The following ETFBKMT variants were observed in gnomAD, a reference collection of about 807,000 sequenced individuals.
ETFBKMT encodes electron transfer flavoprotein subunit beta lysine methyltransferase.
ETFBKMT carries 13 observed loss-of-function variants against 18.3 expected under a neutral mutation model. The ratio of observed to expected loss-of-function variants is 0.71; its 90% CI spans 0.46 to 1.13. ETFBKMT has a LOEUF of 1.13. ETFBKMT is among the 50% of genes most tolerant of loss of function. ETFBKMT has a pLI of 0.00. For synonymous variants in ETFBKMT, 84 were observed against 107.9 expected, an observed-to-expected ratio of 0.78 and a Z score of 1.37; for missense variants, 293 against 306.2, an observed-to-expected ratio of 0.96 and a Z score of 0.32.
At chr12:31,657,303 G>T (rs1304766308), upstream of ETFBKMT, among the ~76,000 whole-genome samples, 2 of 152,144 alleles carry the variant, frequency 1.3e-5, no homozygotes, top group Non-Finnish European at 2.9e-5. Context: ...AGTCTGCTTG[G>T]ATGTATGTGG....
intron 1 of ETFBKMT, 64 bp from the exon 2 acceptor site, chr12:31,661,777 A>G (rs1185578584): frequency 6.3e-6 from 4 of 636,562 alleles, no homozygotes; most frequent in Admixed American, 3.0e-5. Flanking sequence ...CTTATTATGT[A>G]ATAGGATCTA....
intron 2 of ETFBKMT, among the ~76,000 whole-genome samples, chr12:31,663,938 A>C (rs1311295559): frequency 3.3e-5 from 5 of 151,838 alleles, no homozygotes; most frequent in Admixed American, 3.3e-4. Context: ...CCAAATTGCT[A>C]CTGCAACCCC....
Position 31,670,170 on chromosome 12 carries a change from G to A in ETFBKMT, c.*2180G>A, listed in dbSNP as rs1951249275. 6.6e-6 allele frequency: 1 copy of A among 152,178 alleles called. No individual in the cohort carries two copies. The highest frequency in any genetic ancestry group is 1.5e-5 in the Non-Finnish European group (1 of 68,086). The allele number at this position is 152,178 out of a possible 1,614,324, so 9.4% of individuals were successfully genotyped here. ...CCAGGCTGGAGCTTTTGATTCTTAA[G>A]TCCATCCACATGGAGCCTCCAGCAA... On this transcript the variant is annotated 3_prime_UTR_variant, in exon 4 of 4. Transcript: ENST00000357721.
In ETFBKMT at chr12:31,667,977, G is replaced by T. The variant is rs75288003; in HGVS notation, c.776G>T (p.Gly259Val). 10 of 1,611,978 alleles carry T rather than the reference G, an allele frequency of 6.2e-6. No homozygotes were observed. The East Asian group carries it at 1.8e-4, about 29-fold the overall frequency. The part of the protein sequence containing the change: ...NSGLTTSTVW[G>V]FQP ...GGACTGACAACAAGCACAGTGTGGG[G>T]TTTTCAGCCTTGAGTTGTCAAAGTG... Residue 259 changes from glycine to valine, a missense_variant, in exon 4 of 4, where the codon GGT becomes GTT. Coordinates refer to ENST00000357721, the MANE Select transcript of ETFBKMT (RefSeq NM_001135863.2).
intron 1 of ETFBKMT, among the ~76,000 whole-genome samples, chr12:31,651,307 C>CTTTTT (rs71062448): frequency 4.8e-5 from 7 of 144,618 alleles, no homozygotes; most frequent in African/African-American, 5.1e-5. Flanking sequence ...GATGCCTTCC[C>CTTTTT]TTTTTTTTTT....
In ETFBKMT at chr12:31,670,679, A is replaced by G. The variant is rs1372427692; in HGVS notation, c.*2689A>G. 6.6e-6 allele frequency: 1 copy of G among 151,874 alleles called. No homozygotes were observed. Among genetic ancestry groups the G allele is most frequent in the Non-Finnish European group, 1.5e-5 (1 of 68,016 alleles). The allele number at this position is 151,874 out of a possible 1,614,324, so 9.4% of individuals were successfully genotyped here. The stretch of plus-strand genomic sequence containing the variant: ...TTTTGTAGACATGGAGTCTTGCTAC[A>G]TTGGCCAGGCTGGGTATTACTGGGT... On this transcript the variant is annotated 3_prime_UTR_variant, in exon 4 of 4. Transcript: ENST00000357721.
chr12:31,663,912 C>T (rs1316248424), intron 2 of ETFBKMT, among the ~76,000 whole-genome samples: 1 of 152,044 alleles, frequency 6.6e-6, no homozygotes, highest in Non-Finnish European at 1.5e-5. Flanking sequence ...CTCATCTTTA[C>T]TTTTAGTTCT....
At position 31,661,908 on chromosome 12, in the gene ETFBKMT, A is replaced by C; in HGVS notation, c.-46A>C. On this transcript the variant is annotated 5_prime_UTR_variant, in exon 2 of 4. Transcript: ENST00000357721. ...TGTTCATTCTCCTTGAGAAGCAGCT[A>C]TTATCAACAGAACATTGACAGAACC... The C allele has an allele frequency of 6.4e-7, 1 of 1,564,286 alleles. No homozygotes were observed. Among genetic ancestry groups the C allele is most frequent in the South Asian group, 1.1e-5 (1 of 87,832 alleles).
At chr12:31,650,594 A>G (rs932761658) in intron 1 of ETFBKMT, among the ~76,000 whole-genome samples, 1 of 144,938 alleles carries the variant, frequency 6.9e-6, no homozygotes, top group East Asian at 2.1e-4. Context: ...TAACACTAAG[A>G]GGGTTTTGAG....
At chr12:31,665,745 G>C (rs1951185860) in intron 2 of ETFBKMT, among the ~76,000 whole-genome samples, 1 of 150,446 alleles carries the variant, frequency 6.6e-6, no homozygotes, top group African/African-American at 2.5e-5. Context: ...TATCCCTTAT[G>C]GGAAATGAAG....
Position 31,651,392 on chromosome 12 carries a change from C to A in ETFBKMT, c.-114+4137C>A, listed in dbSNP as rs373967241. Among the ~76,000 whole-genome samples the A allele has an allele frequency of 2.5e-4, 38 of 151,802 alleles. No homozygotes were observed. The South Asian group carries it at 7.3e-3, about 29-fold the overall frequency. On this transcript the variant is annotated intron_variant, in intron 1 of 3. Coordinates refer to the ETFBKMT transcript ENST00000412352. ...TGGCGCAATCTCGGCTCACTGCAAC[C>A]TCCACCTCCCGGGTTGCAGTGAGGC... is the stretch of plus-strand genomic sequence containing the variant.
chr12:31,651,431 G>A (rs897332477), intron 1 of ETFBKMT, among the ~76,000 whole-genome samples: 3 of 151,654 alleles, frequency 2.0e-5, no homozygotes, highest in Non-Finnish European at 4.4e-5. Context: ...CCGGGTTCAA[G>A]CAATTCTCTA....
intron 1 of ETFBKMT, among the ~76,000 whole-genome samples, chr12:31,653,624 G>A (rs977110502): frequency 6.6e-6 from 1 of 152,204 alleles, no homozygotes; most frequent in Non-Finnish European, 1.5e-5. Flanking sequence ...TGAAGCTCCA[G>A]AAAACCCAAA....
rs190977676 is a variant in ETFBKMT at position 31,672,534 on chromosome 12, T to C, written c.*4544T>C. 1 of 582,128 alleles carries C rather than the reference T, an allele frequency of 1.7e-6. No individual in the cohort carries two copies. The highest frequency in any genetic ancestry group is 2.9e-5 in the East Asian group (1 of 34,432). 36.1% of individuals were successfully genotyped at this position (582,128 alleles called of 1,614,324 possible). ...CAATATACAACTAACTCACTAATAA[T>C]TAATTAATGGTAGCCCTCACTATTA... is the stretch of plus-strand genomic sequence containing the variant. On this transcript the variant is annotated 3_prime_UTR_variant, in exon 4 of 4. Coordinates refer to ENST00000357721, the MANE Select transcript of ETFBKMT (RefSeq NM_001135863.2).
At chr12:31,660,861 GCCCT>G (rs1176820055) in intron 1 of ETFBKMT, 1 of 152,158 alleles carries the variant, frequency 6.6e-6, no homozygotes, top group East Asian at 1.9e-4. Context: ...AACTGTGTTT[GCCCT>G]GTTAACTGCT....
chr12:31,667,959 C>T lies in ETFBKMT; in HGVS notation c.758C>T (p.Thr253Ile). 1 of 1,613,924 alleles carries T rather than the reference C, an allele frequency of 6.2e-7. No individual in the cohort carries two copies. The highest frequency in any genetic ancestry group is 1.7e-5 in the Admixed American group (1 of 60,006). ...ACTAGGCAGGAAAACAGTGGACTGA[C>T]AACAAGCACAGTGTGGGGTTTTCAG... ...ESTRQENSGL[T>I]TSTVWGFQP is the part of the protein sequence containing the mutation. The change falls in exon 4 of 4, where the codon ACA becomes ATA. Residue 253 changes from threonine to isoleucine, a missense_variant. Thr to Ile is a moderately conservative substitution (Grantham distance 89). Transcript: ENST00000357721.
chr12:31,654,772 C>A (rs1433548753), upstream of ETFBKMT, among the ~76,000 whole-genome samples: 2 of 152,094 alleles, frequency 1.3e-5, no homozygotes, highest in African/African-American at 4.8e-5. Flanking sequence ...GGGAGAAGGA[C>A]TGGACGGGTG....
chr12:31,659,303 C>T (rs1462750606), upstream of ETFBKMT: 2 of 152,260 alleles, frequency 1.3e-5, no homozygotes, highest in African/African-American at 4.8e-5. Context: ...GAACAGTCGC[C>T]AGGGCGAGTG....
chr12:31,661,379 G>A (rs965183152), intron 1 of ETFBKMT, among the ~76,000 whole-genome samples: 2 of 152,106 alleles, frequency 1.3e-5, no homozygotes, highest in Admixed American at 1.3e-4. Context: ...CATTTAAAAA[G>A]ATTGGATTTT....
Sources: allele counts gnomAD v4.1 joint callset (sites outside exome capture counted in the v4.1 genomes callset), GRCh38; gene constraint gnomAD v4.1.1; transcripts MANE v1.5; gene names NCBI Gene and HGNC (gene_info 2026-07-23, HGNC 2026-07-21).